The following TLN2 variants were observed in gnomAD, a reference collection of about 807,000 sequenced individuals.
TLN2 encodes talin 2.
A neutral mutation model predicts 294.7 loss-of-function variants in TLN2; 118 were observed. The ratio of observed to expected loss-of-function variants is 0.40; its 90% CI spans 0.34 to 0.47. The LOEUF is 0.47. TLN2 is among the 20% of genes least tolerant of loss of function. TLN2 has a pLI of 0.84. For synonymous variants in TLN2, 1,431 were observed against 1,304.5 expected (o/e 1.10, Z -2.09); for missense variants, 3,083 against 3,282.2 (o/e 0.94, Z 1.48).
intron 1 of TLN2, among the ~76,000 whole-genome samples, chr15:62,419,787 C>A (rs2034289350): frequency 6.6e-6 from 1 of 151,964 alleles, no homozygotes; most frequent in Admixed American, 6.6e-5. Context: ...CAGGTGCACC[C>A]CACCAGACCT....
At chr15:62,548,401 A>T (rs1323964109) in intron 1 of TLN2, among the ~76,000 whole-genome samples, 1 of 152,192 alleles carries the variant, frequency 6.6e-6, no homozygotes, top group Non-Finnish European at 1.5e-5. Context: ...GGATGACAGA[A>T]ACCCCAAATT....
chr15:62,766,295 G>T, intron 40 of TLN2, 26 bp from the exon 41 acceptor site: 1 of 1,598,708 alleles, frequency 6.3e-7, no homozygotes, highest in South Asian at 1.1e-5. Flanking sequence ...GTTATGGGAT[G>T]AACTTGACAC....
At chr15:62,618,509 G>A (rs2048497434) in intron 3 of TLN2, 34 bp downstream of exon 3, 2 of 152,244 alleles carry the variant, frequency 1.3e-5, no homozygotes, top group Admixed American at 1.3e-4. Context: ...TCTTCTGCGT[G>A]TGTTTTGGGG....
At chr15:62,399,591 T>C (rs189411114) in intron 1 of TLN2, among the ~76,000 whole-genome samples, 1 of 152,342 alleles carries the variant, frequency 6.6e-6, no homozygotes, top group East Asian at 1.9e-4. Context: ...TCCAAGGTCA[T>C]GGGAACCCAC....
chr15:62,460,817 G>A (rs865948424), intron 1 of TLN2, among the ~76,000 whole-genome samples: 4 of 152,166 alleles, frequency 2.6e-5, no homozygotes, highest in Admixed American at 6.5e-5. Context: ...ACTCACCTGT[G>A]TAACCTGCAT....
intron 3 of TLN2, among the ~76,000 whole-genome samples, chr15:62,631,234 C>T (rs988060176): frequency 1.2e-4 from 18 of 152,032 alleles, no homozygotes; most frequent in Non-Finnish European, 2.9e-5. Context: ...CTTGTCAGAG[C>T]CAAATCACTT....
chr15:62,609,596 T>C (rs1049187073), intron 2 of TLN2, among the ~76,000 whole-genome samples: 1 of 152,202 alleles, frequency 6.6e-6, no homozygotes, highest in African/African-American at 2.4e-5. Context: ...TCCACATTCT[T>C]GAATTCAGCT....
At chr15:62,784,337 A>G (rs2064452788) in intron 45 of TLN2, 1 of 211,986 alleles carries the variant, frequency 4.7e-6, no homozygotes, top group Middle Eastern at 1.6e-3. Flanking sequence ...CGAAAGAGCT[A>G]CTTTCATGAA....
chr15:62,535,324 A>G (rs558853182), intron 1 of TLN2, among the ~76,000 whole-genome samples: 97 of 152,226 alleles, frequency 6.4e-4, no homozygotes, highest in African/African-American at 1.8e-3. Flanking sequence ...GGTACAGCCT[A>G]TGCGTCAGGA....
intron 22 of TLN2, among the ~76,000 whole-genome samples, chr15:62,715,631 G>C (rs1044506744): frequency 2.0e-5 from 3 of 152,186 alleles, no homozygotes; most frequent in African/African-American, 7.2e-5. Flanking sequence ...AGGGGCTGTG[G>C]GGCTGGACAA....
rs1221395269 is a variant in TLN2, at chr15:62,800,675, C to T, written c.6383C>T (p.Ser2128Leu). ...CAGGTGATGGTGACCAATGTCACCT[C>T]GCTCCTCAAGACTGTAAAGGCAGTG... ...AAKVMVTNVT[S>L]LLKTVKAVED... Residue 2128 changes from serine (S) to leucine (L), a missense_variant, in exon 50 of 59, where the codon TCG becomes TTG. Ser to Leu is a moderately radical substitution (Grantham distance 145, BLOSUM62 -2). Coordinates refer to ENST00000636159, the MANE Select transcript of TLN2 (RefSeq NM_015059.3). The T allele has an allele frequency of 2.5e-6, 4 of 1,614,046 alleles. No homozygotes were observed. The highest frequency in any genetic ancestry group is 2.2e-5 in the East Asian group (1 of 44,892).
At chr15:62,727,824 A>G (rs971596879) in intron 28 of TLN2, among the ~76,000 whole-genome samples, 2 of 152,268 alleles carry the variant, frequency 1.3e-5, no homozygotes, top group Admixed American at 6.5e-5. Flanking sequence ...AGGTTTCAGT[A>G]TGAGCACATT....
chr15:62,509,557 T>A (rs2039820414), intron 1 of TLN2, among the ~76,000 whole-genome samples: 1 of 152,182 alleles, frequency 6.6e-6, no homozygotes, highest in Non-Finnish European at 1.5e-5. Flanking sequence ...GCAGTGTGGG[T>A]GCGAGGGTCA....
intron 35 of TLN2, 143 bp downstream of exon 35, chr15:62,752,570 T>C: frequency 3.9e-6 from 5 of 1,285,552 alleles, no homozygotes; most frequent in Non-Finnish European, 5.2e-6. Context: ...GGCTGGGGCA[T>C]TTACACAAAA....
At chr15:62,822,747 G>GT (rs1309927582) in intron 54 of TLN2, among the ~76,000 whole-genome samples, 1 of 152,166 alleles carries the variant, frequency 6.6e-6, no homozygotes, top group Non-Finnish European at 1.5e-5. Flanking sequence ...AAAAATAATG[G>GT]TTGCTAGGAC....
chr15:62,725,111 T>C lies in TLN2; in HGVS notation c.3255+7T>C, dbSNP rs373124525. ...GCCACTTCCAGGGGAAACGGTGAGC[T>C]GTTAGAGCCAGCTGGGGTGCGGGTG... On this transcript the variant is annotated splice_region_variant and intron_variant, in intron 27 of 58. Transcript: ENST00000636159. 2 of 1,607,142 alleles carry C rather than the reference T, an allele frequency of 1.2e-6. No homozygotes were observed. The highest frequency in any genetic ancestry group is 1.7e-6 in the Non-Finnish European group (2 of 1,176,050).
In TLN2 at chr15:62,429,427, A is replaced by G. The variant is rs534476609; in HGVS notation, c.-238+38742A>G. Among the ~76,000 whole-genome samples the G allele has an allele frequency of 3.9e-5, 6 of 152,190 alleles. No homozygotes were observed. In the East Asian group the frequency reaches 1.2e-3, roughly 29 times the overall value. On this transcript the variant is annotated intron_variant, in intron 1 of 58. Transcript: ENST00000636159. ...TAAGATCGTGTCTAGCCAACTCTGC[A>G]TTGTGGTTTCTAGCTGGTGAGACGT...
intron 32 of TLN2, among the ~76,000 whole-genome samples, chr15:62,745,178 T>C (rs1023278221): frequency 2.0e-5 from 3 of 152,232 alleles, no homozygotes; most frequent in Non-Finnish European, 2.9e-5. Flanking sequence ...TTTTTAACCA[T>C]TGAAGTTGTA....
chr15:62,396,606 A>G (rs2032572722), intron 1 of TLN2, among the ~76,000 whole-genome samples: 1 of 152,202 alleles, frequency 6.6e-6, no homozygotes, highest in South Asian at 2.1e-4. Flanking sequence ...GGTGAAAGTA[A>G]GAGCTCAGGA....
Sources: gnomAD v4.1 joint callset for allele counts (sites outside exome capture counted in the v4.1 genomes callset) on GRCh38, gnomAD v4.1.1 for gene constraint, MANE v1.5 for transcripts, NCBI Gene and HGNC (gene_info 2026-07-23, HGNC 2026-07-21) for gene names.